The following NPAS2 variants were observed in gnomAD, a reference collection of about 807,000 sequenced individuals.
NPAS2 encodes the protein neuronal PAS domain-containing protein 2.
NPAS2 carries 23 observed loss-of-function variants against 107.5 expected under a neutral mutation model. The observed-to-expected ratio is 0.21, with a 90% CI of 0.15 to 0.30. The LOEUF (loss-of-function observed/expected upper bound fraction) is 0.30, where lower values mean the gene tolerates loss of function less well. NPAS2 is among the 10% of genes least tolerant of loss of function. NPAS2 has a pLI of 1.00. For synonymous variants in NPAS2, 403 were observed against 417.5 expected (o/e 0.97, Z 0.42); for missense variants, 756 against 1,043.3 (o/e 0.72, Z 3.79).
At position 100,950,236 on chromosome 2, in the gene NPAS2, A is replaced by C. The variant is rs1188549755; in HGVS notation, c.598+756A>C. Among the ~76,000 whole-genome samples the C allele has an allele frequency of 1.6e-4, 24 of 152,372 alleles. 1 individual carries two copies. Among genetic ancestry groups the C allele is most frequent in the Admixed American group, 1.6e-3 (24 of 15,308 alleles). On this transcript the variant is annotated intron_variant, in intron 7 of 20. Transcript: ENST00000335681. ...TTCTGGGCTCCTCCAAACTCAACAC[A>C]AAACAAATAACTTTGAAACAGCTAA...
Position 100,965,578 on chromosome 2 carries a change from C to A in NPAS2, c.801-82C>A. On this transcript the variant is annotated intron_variant, in intron 9 of 20. Transcript: ENST00000335681. This position sits in a 1 kb window ranked among gnomAD's most constrained non-coding sequence, Gnocchi z 4.3. ...TGAGAAATGAGGCCTCCATGTTGAT[C>A]ATTATGGAAAGGCATGGCCACCAGG... is the stretch of plus-strand genomic sequence containing the variant. 1 of 797,600 alleles carries A rather than the reference C, an allele frequency of 1.3e-6. No individual in the cohort carries two copies. Among genetic ancestry groups the A allele is most frequent in the South Asian group, 1.6e-5 (1 of 61,474 alleles). 49.4% of individuals were successfully genotyped at this position (797,600 alleles called of 1,614,324 possible).
At chr2:100,939,484 C>A (rs560326548) in intron 5 of NPAS2, among the ~76,000 whole-genome samples, 1 of 152,250 alleles carries the variant, frequency 6.6e-6, no homozygotes, top group African/African-American at 2.4e-5. Context: ...GGCCAGGAAG[C>A]TAGTGATGGG....
Position 100,965,622 on chromosome 2 carries a change from CTCCTCCCTGATGACAAG to C in NPAS2, c.801-31_801-15del. The C allele has an allele frequency of 1.4e-6, 2 of 1,397,538 alleles. No individual in the cohort carries two copies. Among genetic ancestry groups the C allele is most frequent in the Non-Finnish European group, 2.0e-6 (2 of 985,616 alleles). The allele number at this position is 1,397,538 out of a possible 1,614,324, so 86.6% of individuals were successfully genotyped here. ...CACCAGGGTGAGCCCTGCAGGGTGT[CTCCTCCCTGATGACAAG>C]TCCTCCTTGTCCTTGTGCAGAGCAC... On this transcript the variant is annotated intron_variant, in intron 9 of 20. Transcript: ENST00000335681. This position sits in a 1 kb window ranked among gnomAD's most constrained non-coding sequence, Gnocchi z 4.3.
chr2:100,896,437 G>A (rs917420854), intron 1 of NPAS2, among the ~76,000 whole-genome samples: 2 of 152,206 alleles, frequency 1.3e-5, no homozygotes, highest in African/African-American at 4.8e-5. Flanking sequence ...CTTGCTGGGG[G>A]GTGGTGCTGC....
intron 1 of NPAS2, among the ~76,000 whole-genome samples, chr2:100,834,096 CG>C (rs1215393733): frequency 6.6e-6 from 1 of 152,102 alleles, no homozygotes; most frequent in Non-Finnish European, 1.5e-5. Flanking sequence ...GGAGCTTGCC[CG>C]GCACCGAACA....
At chr2:100,900,678 C>T (rs1449821890) in intron 1 of NPAS2, among the ~76,000 whole-genome samples, 1 of 152,072 alleles carries the variant, frequency 6.6e-6, no homozygotes, top group Non-Finnish European at 1.5e-5. Context: ...AACCTTCTTC[C>T]CTGTAAAATG....
intron 1 of NPAS2, chr2:100,901,692 T>C (rs944183189): frequency 1.1e-5 from 3 of 271,096 alleles, no homozygotes; most frequent in African/African-American, 6.9e-5. Context: ...TCCTTCCAGG[T>C]TTGGGAAGTA....
chr2:100,885,227 G>A (rs1680624107), intron 1 of NPAS2, among the ~76,000 whole-genome samples: 1 of 152,202 alleles, frequency 6.6e-6, no homozygotes, highest in South Asian at 2.1e-4. Context: ...TGGGATTACA[G>A]GCGTGAGCCA....
chr2:100,852,470 G>T (rs1480695524), intron 1 of NPAS2, among the ~76,000 whole-genome samples: 1 of 152,184 alleles, frequency 6.6e-6, no homozygotes, highest in East Asian at 1.9e-4. Flanking sequence ...TTTGAGGCAA[G>T]AATTTTCCCC....
At chr2:100,954,768 TGTG>T (rs1489649832) in intron 7 of NPAS2, among the ~76,000 whole-genome samples, 1 of 149,636 alleles carries the variant, frequency 6.7e-6, no homozygotes, top group African/African-American at 2.5e-5. Context: ...AGTTCCCAGG[TGTG>T]GTGACAGTTG....
chr2:100,891,200 C>T (rs955965518), intron 1 of NPAS2, among the ~76,000 whole-genome samples: 33 of 151,210 alleles, frequency 2.2e-4, no homozygotes, highest in African/African-American at 6.3e-4. Flanking sequence ...CCACTGCACT[C>T]CAGCCTGGGC....
intron 1 of NPAS2, among the ~76,000 whole-genome samples, chr2:100,826,536 A>C (rs1235247418): frequency 6.6e-6 from 1 of 152,248 alleles, no homozygotes; most frequent in Non-Finnish European, 1.5e-5. Flanking sequence ...TTTTAATGAC[A>C]TACCTTTTTC....
In NPAS2 at chr2:100,909,699, A is replaced by G. The variant is rs185646105; in HGVS notation, c.32+4913A>G. 4.6e-5 allele frequency among the ~76,000 whole-genome samples: 7 copies of G among 151,160 alleles called. No individual in the cohort carries two copies. The South Asian group carries it at 6.3e-4, about 14-fold the overall frequency. On this transcript the variant is annotated intron_variant, in intron 2 of 20. Coordinates refer to ENST00000335681, the MANE Select transcript of NPAS2 (RefSeq NM_002518.4). The stretch of plus-strand genomic sequence containing the variant: ...TCATCATAAGCTCCCACACGGGGGG[A>G]AAAAATGGCAGTAAAACATCTCTGA...
chr2:100,945,389 G>A (rs1410986670), intron 5 of NPAS2, among the ~76,000 whole-genome samples: 1 of 152,188 alleles, frequency 6.6e-6, no homozygotes, highest in Non-Finnish European at 1.5e-5. Flanking sequence ...TTTGGACTAC[G>A]ATATTGATGA....
At chr2:100,875,124 G>A (rs1045839080) in intron 1 of NPAS2, among the ~76,000 whole-genome samples, 1 of 152,186 alleles carries the variant, frequency 6.6e-6, no homozygotes, top group South Asian at 2.1e-4. Context: ...AAATTCTGAC[G>A]CATGCTACAA....
At chr2:100,907,333 C>G (rs552516252) in intron 2 of NPAS2, among the ~76,000 whole-genome samples, 1 of 152,184 alleles carries the variant, frequency 6.6e-6, no homozygotes, top group Non-Finnish European at 1.5e-5. Flanking sequence ...ACCTCCCCCA[C>G]CCAAAAACTT....
Position 100,866,383 on chromosome 2 carries a change from C to T in NPAS2, c.-22-38350C>T, listed in dbSNP as rs558388913. Among the ~76,000 whole-genome samples the T allele has an allele frequency of 2.0e-5, 3 of 152,346 alleles. No homozygotes were observed. The East Asian group carries it at 5.8e-4, about 29-fold the overall frequency. ...CACTTTTGTTTTATCTACCCTCTTT[C>T]TGCTTTTCCCAGCAGGCTTTGCTGC... On this transcript the variant is annotated intron_variant, in intron 1 of 20. Coordinates refer to ENST00000335681, the MANE Select transcript of NPAS2 (RefSeq NM_002518.4).
intron 1 of NPAS2, chr2:100,877,925 A>AG: frequency 1.0e-6 from 1 of 970,180 alleles, no homozygotes; most frequent in Non-Finnish European, 1.2e-6. Context: ...GAAATTATCA[A>AG]ACAGTAAACA....
intron 19 of NPAS2, 115 bp downstream of exon 19, chr2:100,990,987 G>A (rs79270856): frequency 0.012 from 9,736 of 818,768 alleles, 101 homozygotes; most frequent in Middle Eastern, 0.036. Flanking sequence ...TAAAGGCAAG[G>A]TCTGAGTGTG....
Sources: allele counts gnomAD v4.1 joint callset (sites outside exome capture counted in the v4.1 genomes callset), GRCh38; gene constraint gnomAD v4.1.1; non-coding constraint Gnocchi (gnomAD v3.1); transcripts MANE v1.5; gene names NCBI Gene and HGNC (gene_info 2026-07-23, HGNC 2026-07-21).